Variants in PAQR5 observed in about 807,000 individuals in gnomAD.
PAQR5 encodes the protein membrane progestin receptor gamma.
PAQR5 carries 20 observed loss-of-function variants against 34.5 expected under a neutral mutation model. That is an observed-to-expected ratio of 0.58 (90% CI 0.41 to 0.84). PAQR5 has a LOEUF of 0.84. PAQR5 is among the 40% of genes least tolerant of loss of function. PAQR5 has a pLI of 0.00. For missense variants in PAQR5, 378 were observed against 412.7 expected (o/e 0.92, Z 0.73); for synonymous variants, 131 against 155.6 (o/e 0.84, Z 1.18).
chr15:69,306,333 C>T (rs2053714435), intron 1 of PAQR5, among the ~76,000 whole-genome samples: 1 of 118,342 alleles, frequency 8.5e-6, no homozygotes, highest in Non-Finnish European at 2.0e-5. Context: ...ACATACAAAA[C>T]ATTTAACCTT....
rs1226447954 is a variant in PAQR5 at position 69,363,536 on chromosome 15, G to GTTTTTTTTTTTTTTTTT, written c.51+3411_51+3412insTTTTTTTTTTTTTTTTT. Among the ~76,000 whole-genome samples, 6 of 82,002 alleles carry GTTTTTTTTTTTTTTTTT rather than the reference G, an allele frequency of 7.3e-5. 3 individuals are homozygous for GTTTTTTTTTTTTTTTTT. The highest frequency in any genetic ancestry group is 1.4e-4 in the Non-Finnish European group (6 of 43,296). The allele number at this position is 82,002 out of a possible 152,430, so 53.8% of individuals were successfully genotyped here. A position where few individuals can be genotyped will look rare whatever the true frequency, so the allele number is the denominator to read the frequency against. On this transcript the variant is annotated intron_variant, in intron 3 of 8. Transcript: ENST00000395407. ...ACATCGAGTGTCAAATTGCTAATCT[G>GTTTTTTTTTTTTTTTTT]TTTTTTGTTTTTGTTTTTTTTTTTT...
chr15:69,322,756 A>AAGG (rs2054140048), intron 1 of PAQR5, among the ~76,000 whole-genome samples: 1 of 45,878 alleles, frequency 2.2e-5, no homozygotes, highest in Admixed American at 2.6e-4. Flanking sequence ...GAAGAAGAAG[A>AAGG]AGAAGAAGAA....
chr15:69,370,654 G>A (rs2055536002), intron 3 of PAQR5, among the ~76,000 whole-genome samples: 1 of 152,088 alleles, frequency 6.6e-6, no homozygotes, highest in African/African-American at 2.4e-5. Flanking sequence ...CGAGTAGCTG[G>A]GATTACAGGC....
chr15:69,382,512 G>T (rs1286839169), intron 4 of PAQR5, among the ~76,000 whole-genome samples: 1 of 151,364 alleles, frequency 6.6e-6, no homozygotes, highest in Non-Finnish European at 1.5e-5. Context: ...AGGCGTGGTG[G>T]AGGGTGCCTG....
At chr15:69,312,136 G>A (rs961644339) in intron 1 of PAQR5, among the ~76,000 whole-genome samples, 8 of 152,098 alleles carry the variant, frequency 5.3e-5, no homozygotes, top group Non-Finnish European at 1.0e-4. Context: ...TTGGGTGTCC[G>A]GGAGGACAGC....
At chr15:69,300,704 CTT>C (rs1351233268) in intron 1 of PAQR5, among the ~76,000 whole-genome samples, 4,538 of 28,416 alleles carry the variant, frequency 0.16, 1,507 homozygotes, top group African/African-American at 0.35. Context: ...CTCTCTCTCT[CTT>C]TCTTTCTTTC....
intron 2 of PAQR5, among the ~76,000 whole-genome samples, chr15:69,338,007 G>A (rs1298377448): frequency 6.6e-6 from 1 of 152,128 alleles, no homozygotes; most frequent in African/African-American, 2.4e-5. Context: ...AACCCAGGAG[G>A]CAGAGGCTGC....
Position 69,322,765 on chromosome 15 carries a change from AAGAAGAGGG to A in PAQR5, c.-276-14569_-276-14561del, listed in dbSNP as rs1221460053. On this transcript the variant is annotated intron_variant, in intron 1 of 8. Transcript: ENST00000395407. ...GAAGAAGAAGAAGAAGAAGAAGAAGAAGAAGAGGGAGAAGAAGAAGACGAGGAAGAAGAA... is the reference window on the plus strand; with the variant it reads ...GAAGAAGAAGAAGAAGAAGAAGAAGAAGAAGAAGAAGACGAGGAAGAAGAA... Among the ~76,000 whole-genome samples, 89 of 41,838 alleles carry A rather than the reference AAGAAGAGGG, an allele frequency of 2.1e-3. 18 individuals carry two copies. The highest frequency in any genetic ancestry group is 3.2e-3 in the Non-Finnish European group (61 of 19,322). 27.4% of individuals were successfully genotyped at this position (41,838 alleles called of 152,430 possible). A position where few individuals can be genotyped will look rare whatever the true frequency, so the allele number is the denominator to read the frequency against.
intron 1 of PAQR5, among the ~76,000 whole-genome samples, chr15:69,321,716 G>A (rs978254069): frequency 1.4e-4 from 21 of 152,216 alleles, no homozygotes; most frequent in Non-Finnish European, 2.2e-4. Context: ...GCAACCACCA[G>A]GTAGAAGATG....
rs750707286 is a variant in PAQR5 at position 69,337,824 on chromosome 15, C to T, written c.-116+323C>T. 9.6e-4 allele frequency among the ~76,000 whole-genome samples: 146 copies of T among 152,206 alleles called. 2 individuals are homozygous for T. The highest frequency in any genetic ancestry group is 7.9e-4 in the Non-Finnish European group (54 of 68,014). ...TTTAAAAAAATGGGGACTGAAATCC[C>T]AGCACTTTGGGAGGCCCAGGTGGGT... is the stretch of plus-strand genomic sequence containing the variant. On this transcript the variant is annotated intron_variant, in intron 2 of 8. Transcript: ENST00000395407.
At chr15:69,307,706 A>G (rs539209358) in intron 1 of PAQR5, among the ~76,000 whole-genome samples, 3 of 152,350 alleles carry the variant, frequency 2.0e-5, no homozygotes, top group Non-Finnish European at 2.9e-5. Context: ...TTAGAAGGAC[A>G]TAGTTGGGAG....
chr15:69,308,273 C>A (rs2053761067), intron 1 of PAQR5, among the ~76,000 whole-genome samples: 1 of 152,176 alleles, frequency 6.6e-6, no homozygotes, highest in Non-Finnish European at 1.5e-5. Flanking sequence ...ATCAACATGA[C>A]CTAGTGACTT....
intron 4 of PAQR5, 165 bp downstream of exon 4, chr15:69,380,175 A>T: frequency 2.8e-6 from 2 of 714,722 alleles, no homozygotes; most frequent in African/African-American, 1.8e-5. Context: ...GGGAAGAGAC[A>T]TTGGGTGTGC....
intron 2 of PAQR5, among the ~76,000 whole-genome samples, chr15:69,355,333 TTTCTTTCTTTTTTTCTTTCTTTCTTTC>T (rs544247545): frequency 7.7e-4 from 40 of 51,880 alleles, no homozygotes; most frequent in African/African-American, 1.0e-3. Flanking sequence ...TCTTTCTTTC[TTTCTTTCTTTTTTTCTTTCTTTCTTTC>T]TTTCTTTCTT....
At chr15:69,339,330 G>C (rs906782293) in intron 2 of PAQR5, among the ~76,000 whole-genome samples, 2 of 152,072 alleles carry the variant, frequency 1.3e-5, no homozygotes, top group East Asian at 1.9e-4. Context: ...AATTGGCTCT[G>C]TCTAGGCGTG....
intron 3 of PAQR5, among the ~76,000 whole-genome samples, chr15:69,369,125 A>T (rs2055484383): frequency 6.6e-6 from 1 of 152,184 alleles, no homozygotes; most frequent in African/African-American, 2.4e-5. Flanking sequence ...TAAATATATT[A>T]AACACAGTTA....
chr15:69,321,816 G>A (rs1265076899), intron 1 of PAQR5, among the ~76,000 whole-genome samples: 1 of 152,090 alleles, frequency 6.6e-6, no homozygotes, highest in Admixed American at 6.6e-5. Flanking sequence ...TTCATTCATT[G>A]AACAGGAACA....
At chr15:69,365,129 C>T (rs1329283256) in intron 3 of PAQR5, among the ~76,000 whole-genome samples, 1 of 142,258 alleles carries the variant, frequency 7.0e-6, no homozygotes, top group East Asian at 2.1e-4. Flanking sequence ...TATTTAGAGA[C>T]AGAGTCTTGC....
intron 3 of PAQR5, among the ~76,000 whole-genome samples, chr15:69,368,526 A>G (rs1003346979): frequency 1.3e-5 from 2 of 152,240 alleles, no homozygotes; most frequent in Non-Finnish European, 2.9e-5. Flanking sequence ...CTAGAAATGT[A>G]TCAGTTATTT....
Sources: allele counts gnomAD v4.1 joint callset (sites outside exome capture counted in the v4.1 genomes callset), GRCh38; gene constraint gnomAD v4.1.1; transcripts MANE v1.5; gene names NCBI Gene and HGNC (gene_info 2026-07-23, HGNC 2026-07-21).